ANKFN1: variants seen among roughly 807,000 people sequenced by gnomAD.
ANKFN1 encodes ankyrin repeat and fibronectin type-III domain-containing protein 1.
ANKFN1 carries 74 observed loss-of-function variants against 108.7 expected under a neutral mutation model. The ratio of observed to expected loss-of-function variants is 0.68; its 90% CI spans 0.56 to 0.83. The LOEUF (loss-of-function observed/expected upper bound fraction) is 0.83. Ranked by LOEUF, ANKFN1 falls within the 40% of genes least tolerant of loss-of-function variation. The pLI, the probability that ANKFN1 is intolerant of heterozygous loss-of-function variation, is 0.00. For missense variants in ANKFN1, 1,505 were observed against 1,382.3 expected (o/e 1.09, Z -1.41); for synonymous variants, 547 against 516.2 (o/e 1.06, Z -0.81).
intron 10 of ANKFN1, among the ~76,000 whole-genome samples, chr17:56,447,615 A>T (rs1223616261): frequency 6.6e-6 from 1 of 152,212 alleles, no homozygotes; most frequent in Non-Finnish European, 1.5e-5. Context: ...AGGAAGAAGG[A>T]TCAGAAAATC....
intron 8 of ANKFN1, among the ~76,000 whole-genome samples, chr17:56,439,015 A>C (rs1181696409): frequency 6.6e-6 from 1 of 152,190 alleles, no homozygotes; most frequent in Non-Finnish European, 1.5e-5. Flanking sequence ...GAATGGTTGC[A>C]CAAAGTAAGG....
chr17:56,098,542 A>T (rs549022470), intron 4 of ANKFN1, among the ~76,000 whole-genome samples: 1 of 152,118 alleles, frequency 6.6e-6, no homozygotes, highest in Non-Finnish European at 1.5e-5. Flanking sequence ...TCATTTATGT[A>T]TTATCTATCT....
intron 3 of ANKFN1, chr17:56,323,090 C>G (rs957434463): frequency 6.6e-6 from 1 of 152,092 alleles, no homozygotes. Flanking sequence ...GAGACACATT[C>G]GCAAATATCC....
At position 56,354,006 on chromosome 17, in the gene ANKFN1, A is replaced by C. The variant is rs779262559; in HGVS notation, c.561A>C (p.Ala187=). 6.2e-7 allele frequency: 1 copy of C among 1,613,984 alleles called. No homozygotes were observed. The highest frequency in any genetic ancestry group is 1.7e-5 in the Admixed American group (1 of 59,980). ...TCATGACCAACAATGTGCCCATTGC[A>C]AGGATTCTTCTGAGGACAGGGGCCC... ...IAIMTNNVPI[A]RILLRTGARE... The change falls in exon 6 of 21, where the codon GCA becomes GCC. Residue 187 remains alanine, a synonymous_variant. Coordinates refer to ENST00000682825, the MANE Select transcript of ANKFN1 (RefSeq NM_001370326.1).
intron 4 of ANKFN1, among the ~76,000 whole-genome samples, chr17:56,095,098 T>C (rs929717317): frequency 1.3e-5 from 2 of 151,126 alleles, no homozygotes; most frequent in Admixed American, 1.3e-4. Flanking sequence ...ACCCATGTAC[T>C]GTGCAAGCAA....
chr17:56,161,815 C>A (rs551689102), intron 1 of ANKFN1, among the ~76,000 whole-genome samples: 12 of 151,862 alleles, frequency 7.9e-5, no homozygotes, highest in Admixed American at 2.0e-4. Flanking sequence ...TGCTTGCAAG[C>A]TATAGAAAAT....
intron 1 of ANKFN1, among the ~76,000 whole-genome samples, chr17:56,162,640 G>C (rs982896766): frequency 6.6e-6 from 1 of 152,130 alleles, no homozygotes; most frequent in Non-Finnish European, 1.5e-5. Flanking sequence ...TATGGATTTG[G>C]GTGAGGGAAC....
chr17:56,302,204 G>T (rs2044689325), intron 3 of ANKFN1, among the ~76,000 whole-genome samples: 1 of 152,072 alleles, frequency 6.6e-6, no homozygotes, highest in South Asian at 2.1e-4. Context: ...TAATCTTCTG[G>T]AATTCAAACA....
In ANKFN1 at chr17:56,061,420, T is replaced by C. The variant is rs112780180; in HGVS notation, c.288+15095T>C. 7.2e-3 allele frequency among the ~76,000 whole-genome samples: 1,096 copies of C among 151,868 alleles called. 8 individuals carry two copies. The highest frequency in any genetic ancestry group is 0.026 in the African/African-American group (1,057 of 41,438). On this transcript the variant is annotated intron_variant, in intron 4 of 12. Coordinates refer to the ANKFN1 transcript ENST00000635860. Reference sequence around the variant, plus strand: ...CTGAGTAGCTGGGATTACAGGTGCCTGCCACCATGCCCAGCTAATTTTTTG... The same window carrying C: ...CTGAGTAGCTGGGATTACAGGTGCCCGCCACCATGCCCAGCTAATTTTTTG...
intron 8 of ANKFN1, among the ~76,000 whole-genome samples, chr17:56,439,204 C>T (rs185628992): frequency 1.6e-4 from 24 of 152,206 alleles, no homozygotes; most frequent in Admixed American, 9.8e-4. Context: ...ACTCGAGGGG[C>T]GCAGCAGGCT....
At chr17:56,216,657 A>C (rs1033930590) in intron 2 of ANKFN1, among the ~76,000 whole-genome samples, 3 of 152,224 alleles carry the variant, frequency 2.0e-5, no homozygotes, top group African/African-American at 7.2e-5. Context: ...TGCTAGAAAA[A>C]GCATAAAAAT....
chr17:56,194,979 A>G (rs976828534), intron 1 of ANKFN1, among the ~76,000 whole-genome samples: 2 of 152,244 alleles, frequency 1.3e-5, no homozygotes, highest in South Asian at 2.1e-4. Context: ...TCTATGACTC[A>G]TGTAGACAAC....
At position 56,144,185 on chromosome 17, in the gene ANKFN1, A is replaced by AACTACT. The variant is rs1555600058; in HGVS notation, c.289-83732_289-83731insACTACT. Among the ~76,000 whole-genome samples, 13 of 99,242 alleles carry AACTACT rather than the reference A, an allele frequency of 1.3e-4. 2 individuals carry two copies. The highest frequency in any genetic ancestry group is 1.7e-4 in the Non-Finnish European group (8 of 47,084). 65.1% of individuals were successfully genotyped at this position (99,242 alleles called of 152,430 possible). A position where few individuals can be genotyped will look rare whatever the true frequency, so the allele number is the denominator to read the frequency against. On this transcript the variant is annotated intron_variant, in intron 4 of 12. Coordinates refer to the ANKFN1 transcript ENST00000635860. ...AAAAAAAAAAAAAAAAAAAAAAAAA[A>AACTACT]CAGCCCAAACCAAATGAATGCAGAG... is the stretch of plus-strand genomic sequence containing the variant.
intron 19 of ANKFN1, among the ~76,000 whole-genome samples, chr17:56,496,742 A>G (rs1386751367): frequency 6.6e-6 from 1 of 152,172 alleles, no homozygotes; most frequent in Non-Finnish European, 1.5e-5. Context: ...ATCTTTTGCC[A>G]TATAAAGTAA....
At chr17:56,158,998 G>T in intron 1 of ANKFN1, among the ~76,000 whole-genome samples, 1 of 90,540 alleles carries the variant, frequency 1.1e-5, no homozygotes. Flanking sequence ...CTTATTGATA[G>T]AAAATATTTA....
intron 8 of ANKFN1, among the ~76,000 whole-genome samples, chr17:56,397,032 G>T (rs2047608701): frequency 6.6e-6 from 1 of 150,848 alleles, no homozygotes; most frequent in Admixed American, 6.6e-5. Flanking sequence ...CCAAAGAAAA[G>T]AAAAATAAAA....
rs1197447785 is a variant in ANKFN1 at position 56,374,693 on chromosome 17, G to A, written c.889G>A (p.Ala297Thr). The A allele has an allele frequency of 6.2e-7, 1 of 1,613,630 alleles. No homozygotes were observed. Among genetic ancestry groups the A allele is most frequent in the South Asian group, 1.1e-5 (1 of 91,060 alleles). The change falls in exon 8 of 21, where the codon GCT becomes ACT. Residue 297 changes from alanine to threonine, a missense_variant. Transcript: ENST00000682825. Reference sequence around the variant, plus strand: ...CCAAGAGCCTCTTAGCGTCAATGCAGCTGTAGTAACCAGGTATAAAGGTAC... The same window carrying A: ...CCAAGAGCCTCTTAGCGTCAATGCAACTGTAGTAACCAGGTATAAAGGTAC... Reference protein sequence around the residue: ...SFQEPLSVNAAVVTRYKVEWS... With the variant: ...SFQEPLSVNATVVTRYKVEWS...
At chr17:56,445,443 T>C (rs555813508) in intron 10 of ANKFN1, among the ~76,000 whole-genome samples, 1 of 152,340 alleles carries the variant, frequency 6.6e-6, no homozygotes, top group Non-Finnish European at 1.5e-5. Flanking sequence ...ACTTATTAAC[T>C]GGTAATTAAC....
At chr17:56,118,915 A>C (rs1201272563) in intron 4 of ANKFN1, among the ~76,000 whole-genome samples, 1 of 152,170 alleles carries the variant, frequency 6.6e-6, no homozygotes, top group Non-Finnish European at 1.5e-5. Context: ...TTTTTGATTA[A>C]CTTGATATAG....
Sources: gnomAD v4.1 joint callset for allele counts (sites outside exome capture counted in the v4.1 genomes callset) on GRCh38, gnomAD v4.1.1 for gene constraint, MANE v1.5 for transcripts, NCBI Gene and HGNC (gene_info 2026-07-23, HGNC 2026-07-21) for gene names.